Variants in METTL25 observed in about 807,000 individuals in gnomAD.
METTL25 encodes methyltransferase like 25, also known as probable methyltransferase-like protein 25.
A neutral mutation model predicts 71.6 loss-of-function variants in METTL25; 64 were observed. The observed-to-expected ratio is 0.89, with a 90% CI of 0.73 to 1.10. The LOEUF is 1.10. METTL25 is among the 50% of genes least tolerant of loss of function. The pLI, the probability that METTL25 is intolerant of heterozygous loss-of-function variation, is 0.00. For missense variants in METTL25, 807 were observed against 707.0 expected, an observed-to-expected ratio of 1.14 and a Z score of -1.60; for synonymous variants, 287 against 250.3, an observed-to-expected ratio of 1.15 and a Z score of -1.38.
In METTL25 at chr12:82,399,114, C is replaced by T. The variant is rs201656767; in HGVS notation, c.851C>T (p.Ser284Phe). Residue 284 changes from serine (S) to phenylalanine (F), a missense_variant, in exon 4 of 12, where the codon TCT becomes TTT. Coordinates refer to ENST00000248306, the MANE Select transcript of METTL25 (RefSeq NM_032230.3). ...GCTATTTTGCCTGATTTTTCTGGCT[C>T]TGTAATTTCTAATATCAGAAACCAA... ...TSAILPDFSG[S>F]VISNIRNQME... 1.6e-4 allele frequency: 258 copies of T among 1,613,600 alleles called. No individual in the cohort carries two copies. The highest frequency in any genetic ancestry group is 2.3e-5 in the Non-Finnish European group (27 of 1,179,824).
intron 8 of METTL25, among the ~76,000 whole-genome samples, chr12:82,449,373 T>C (rs1443552456): frequency 6.6e-6 from 1 of 152,212 alleles, no homozygotes. Flanking sequence ...TAATCCATCA[T>C]CCCATTCTTC....
intron 1 of METTL25, among the ~76,000 whole-genome samples, chr12:82,365,186 C>T (rs1882424057): frequency 2.0e-5 from 3 of 152,110 alleles, no homozygotes; most frequent in Admixed American, 2.0e-4. Flanking sequence ...TCTGGTTGAT[C>T]CCTGAGTTAT....
intron 1 of METTL25, among the ~76,000 whole-genome samples, chr12:82,359,876 G>A (rs562290917): frequency 5.9e-5 from 9 of 152,262 alleles, no homozygotes; most frequent in African/African-American, 2.2e-4. Flanking sequence ...ATCACTAGAG[G>A]GACCTCTTAT....
intron 5 of METTL25, chr12:82,407,915 T>C: frequency 1.0e-6 from 1 of 985,018 alleles, no homozygotes; most frequent in South Asian, 4.7e-5. Flanking sequence ...ATCTCCATTT[T>C]TCTCACTGTA....
chr12:82,387,559 G>T (rs976746815), intron 2 of METTL25, among the ~76,000 whole-genome samples: 3 of 150,270 alleles, frequency 2.0e-5, no homozygotes, highest in Non-Finnish European at 3.0e-5. Context: ...TCTCTTATTT[G>T]ATCCTTATTT....
chr12:82,453,225 A>G (rs1034117801), intron 8 of METTL25, among the ~76,000 whole-genome samples: 1 of 152,148 alleles, frequency 6.6e-6, no homozygotes, highest in African/African-American at 2.4e-5. Context: ...TAGGTTCACT[A>G]AAACACTAAA....
chr12:82,408,004 T>C (rs762572503), intron 5 of METTL25: 1 of 976,406 alleles, frequency 1.0e-6, no homozygotes, highest in Non-Finnish European at 1.2e-6. Flanking sequence ...TCTAGCTGCC[T>C]AGCTGAGTCG....
chr12:82,418,280 C>A (rs180847692), intron 5 of METTL25, among the ~76,000 whole-genome samples: 2 of 152,014 alleles, frequency 1.3e-5, no homozygotes, highest in Non-Finnish European at 2.9e-5. Flanking sequence ...TGTTCAGTTT[C>A]GAACAGGTTG....
chr12:82,400,276 G>C (rs565981736), intron 4 of METTL25, among the ~76,000 whole-genome samples: 1 of 151,884 alleles, frequency 6.6e-6, no homozygotes, highest in African/African-American at 2.4e-5. Context: ...AGCTTGCAGT[G>C]AGCCAAGATC....
chr12:82,445,123 T>C (rs1200916674), intron 8 of METTL25, among the ~76,000 whole-genome samples: 1 of 152,100 alleles, frequency 6.6e-6, no homozygotes, highest in East Asian at 1.9e-4. Context: ...TTTTAATAAG[T>C]ACATTGGAAA....
chr12:82,475,476 T>C (rs1025985156), intron 9 of METTL25, among the ~76,000 whole-genome samples: 12 of 152,160 alleles, frequency 7.9e-5, no homozygotes, highest in African/African-American at 2.9e-4. Flanking sequence ...TTTATAGTTT[T>C]TTAAATTCAG....
intron 5 of METTL25, among the ~76,000 whole-genome samples, chr12:82,428,608 T>C (rs1468807919): frequency 6.6e-6 from 1 of 151,864 alleles, no homozygotes; most frequent in African/African-American, 2.4e-5. Context: ...AAGGGCTCTA[T>C]GAGTCCTATG....
chr12:82,362,309 G>A (rs552169715), intron 1 of METTL25, among the ~76,000 whole-genome samples: 1 of 152,258 alleles, frequency 6.6e-6, no homozygotes, highest in South Asian at 2.1e-4. Context: ...ACTTCCTGGG[G>A]TCAAATATTG....
chr12:82,375,876 A>G (rs1422210315), intron 1 of METTL25, among the ~76,000 whole-genome samples: 1 of 152,238 alleles, frequency 6.6e-6, no homozygotes. Flanking sequence ...TAGGTTTGCA[A>G]AAATTACTTA....
At chr12:82,453,398 T>C (rs372458358) in intron 8 of METTL25, among the ~76,000 whole-genome samples, 14 of 152,300 alleles carry the variant, frequency 9.2e-5, no homozygotes, top group Middle Eastern at 6.8e-3. Flanking sequence ...ATGAATCCTA[T>C]TCAAGTAGTA....
intron 1 of METTL25, among the ~76,000 whole-genome samples, chr12:82,366,121 C>T (rs1365939621): frequency 6.6e-6 from 1 of 151,972 alleles, no homozygotes; most frequent in Admixed American, 6.6e-5. Context: ...GAATACCTGG[C>T]CTCATTTGTT....
chr12:82,406,863 CAAGG>C (rs1303985807), intron 5 of METTL25, among the ~76,000 whole-genome samples: 1 of 151,846 alleles, frequency 6.6e-6, no homozygotes, highest in Admixed American at 6.6e-5. Flanking sequence ...GTTAATCAGA[CAAGG>C]AAGTAAGAAG....
chr12:82,411,656 T>C (rs956664617), intron 5 of METTL25, among the ~76,000 whole-genome samples: 1 of 151,960 alleles, frequency 6.6e-6, no homozygotes, highest in African/African-American at 2.4e-5. Flanking sequence ...CATAAGTAAT[T>C]TGAGAATTCA....
At chr12:82,395,298 G>A (rs1885968274) in intron 3 of METTL25, among the ~76,000 whole-genome samples, 1 of 152,028 alleles carries the variant, frequency 6.6e-6, no homozygotes, top group African/African-American at 2.4e-5. Context: ...AAACCAAAGA[G>A]GTAATGAGGG....
Sources: allele counts gnomAD v4.1 joint callset (sites outside exome capture counted in the v4.1 genomes callset), GRCh38; gene constraint gnomAD v4.1.1; transcripts MANE v1.5; gene names NCBI Gene and HGNC (gene_info 2026-07-23, HGNC 2026-07-21).